Variants in CACNB4 observed in about 807,000 individuals in gnomAD.
The protein encoded by CACNB4 is voltage-dependent L-type calcium channel subunit beta-4.
CACNB4 carries 32 observed loss-of-function variants against 71.2 expected under a neutral mutation model. That is an observed-to-expected ratio of 0.45 (90% CI 0.34 to 0.60). The LOEUF (loss-of-function observed/expected upper bound fraction) is 0.60. Ranked by LOEUF, CACNB4 falls within the 20% of genes least tolerant of loss-of-function variation. The pLI is 0.01. For synonymous variants in CACNB4, 231 were observed against 236.9 expected, an observed-to-expected ratio of 0.97 and a Z score of 0.23; for missense variants, 464 against 647.9, an observed-to-expected ratio of 0.72 and a Z score of 3.08.
chr2:151,932,425 G>A (rs1490932499), intron 2 of CACNB4, among the ~76,000 whole-genome samples: 2 of 152,236 alleles, frequency 1.3e-5, no homozygotes, highest in East Asian at 3.9e-4. Context: ...AGCTTCACCA[G>A]TGGAGCTCGA....
chr2:151,959,827 T>A (rs751045701), intron 2 of CACNB4, among the ~76,000 whole-genome samples: 18 of 152,210 alleles, frequency 1.2e-4, no homozygotes, highest in Non-Finnish European at 2.5e-4. Flanking sequence ...CTTAATAAAG[T>A]CCTGTTATAA....
In CACNB4 at chr2:151,974,502, C is replaced by A. The variant is rs562421706; in HGVS notation, c.148-91132G>T. ...GCAAGAAAAGAGCTCTGTGTCCCAA[C>A]TGGTGAAGTTTGAAAAGGAAGCCAA... On this transcript the variant is annotated intron_variant, in intron 2 of 13. Transcript: ENST00000539935. Among the ~76,000 whole-genome samples, 11 of 152,322 alleles carry A rather than the reference C, an allele frequency of 7.2e-5. No homozygotes were observed. The South Asian group carries it at 2.1e-3, about 29-fold the overall frequency.
intron 2 of CACNB4, among the ~76,000 whole-genome samples, chr2:152,053,411 C>T (rs908209128): frequency 4.6e-5 from 7 of 152,200 alleles, no homozygotes; most frequent in African/African-American, 1.4e-4. Flanking sequence ...GGCATGGAAG[C>T]CCCATGTTCC....
Position 152,098,902 on chromosome 2 carries a change from G to A in CACNB4, c.63+47C>T. 7.6e-7 allele frequency: 1 copy of A among 1,308,538 alleles called. No individual in the cohort carries two copies. Among genetic ancestry groups the A allele is most frequent in the Non-Finnish European group, 1.0e-6 (1 of 966,004 alleles). 81.1% of individuals were successfully genotyped at this position (1,308,538 alleles called of 1,614,324 possible). On this transcript the variant is annotated intron_variant, in intron 1 of 13. Transcript: ENST00000539935. The surrounding 1 kb of genome is among the most constrained non-coding windows in gnomAD (Gnocchi z 5.3). The stretch of plus-strand genomic sequence containing the variant: ...CGCGCTAGGGCGGCGGAGGAGGTGT[G>A]AGGAAGGAAGAGGAGGAAGAGGAGA...
At chr2:151,973,827 C>A (rs2099873254) in intron 2 of CACNB4, 1 of 1,511,306 alleles carries the variant, frequency 6.6e-7, no homozygotes, top group East Asian at 2.5e-5. Flanking sequence ...CCTGCCTTAT[C>A]AATTCCTGTG....
intron 2 of CACNB4, among the ~76,000 whole-genome samples, chr2:151,978,154 T>C (rs539180766): frequency 4.2e-5 from 6 of 144,202 alleles, no homozygotes; most frequent in African/African-American, 1.6e-4. Context: ...AGATTCCACT[T>C]CTATTAGTCC....
At chr2:152,062,013 A>AAATAATAAT (rs10664776) in intron 2 of CACNB4, among the ~76,000 whole-genome samples, 12,749 of 141,070 alleles carry the variant, frequency 0.09, 756 homozygotes, top group Admixed American at 0.19. Context: ...TTCCATCTCA[A>AAATAATAAT]AATAATAATA....
At chr2:152,096,348 A>G (rs1170004203) in intron 2 of CACNB4, among the ~76,000 whole-genome samples, 1 of 152,062 alleles carries the variant, frequency 6.6e-6, no homozygotes, top group Non-Finnish European at 1.5e-5. Context: ...GCCAGGCGTG[A>G]TGGCGGGTGC....
chr2:152,091,418 A>C (rs1687965792), intron 2 of CACNB4, among the ~76,000 whole-genome samples: 1 of 152,130 alleles, frequency 6.6e-6, no homozygotes, highest in Non-Finnish European at 1.5e-5. Flanking sequence ...TGCAGCTAAA[A>C]TATAAAAATG....
chr2:152,078,704 A>AG (rs1251754835), intron 2 of CACNB4, among the ~76,000 whole-genome samples: 1 of 152,302 alleles, frequency 6.6e-6, no homozygotes, highest in African/African-American at 2.4e-5. Flanking sequence ...TAATGACTGT[A>AG]GGGGTCACAC....
chr2:152,053,494 TC>T (rs1685553488), intron 2 of CACNB4, among the ~76,000 whole-genome samples: 1 of 151,754 alleles, frequency 6.6e-6, no homozygotes, highest in Non-Finnish European at 1.5e-5. Flanking sequence ...TGTAAGTGTT[TC>T]CCTGGGTTCT....
At chr2:151,896,415 G>C (rs944163321) in intron 2 of CACNB4, among the ~76,000 whole-genome samples, 1 of 152,194 alleles carries the variant, frequency 6.6e-6, no homozygotes, top group African/African-American at 2.4e-5. Flanking sequence ...CAGGGCTCTA[G>C]GTAAGAGCTA....
At chr2:152,095,467 T>C (rs1207131167) in intron 2 of CACNB4, among the ~76,000 whole-genome samples, 2 of 152,116 alleles carry the variant, frequency 1.3e-5, no homozygotes, top group Non-Finnish European at 2.9e-5. Flanking sequence ...TGAAAGCTTT[T>C]CTCCATATTT....
At chr2:151,971,802 C>T (rs968902422) in intron 2 of CACNB4, 42 of 570,018 alleles carry the variant, frequency 7.4e-5, no homozygotes, top group Non-Finnish European at 1.1e-4. Context: ...GTTTCAATCC[C>T]GCCCACCTGA....
chr2:151,971,736 T>A, intron 2 of CACNB4: 1 of 643,814 alleles, frequency 1.6e-6, no homozygotes, highest in South Asian at 1.8e-5. Flanking sequence ...AAATGAGCAT[T>A]CAGAGTCAGT....
intron 2 of CACNB4, among the ~76,000 whole-genome samples, chr2:151,989,143 G>A (rs548237460): frequency 2.0e-5 from 3 of 152,214 alleles, no homozygotes; most frequent in South Asian, 4.1e-4. Context: ...GCCTCAGTAC[G>A]AATCTGGTTC....
chr2:151,883,387 AAT>A lies in CACNB4; in HGVS notation c.148-19_148-18del. 2 of 1,613,468 alleles carry A rather than the reference AAT, an allele frequency of 1.2e-6. No individual in the cohort carries two copies. The highest frequency in any genetic ancestry group is 1.7e-6 in the Non-Finnish European group (2 of 1,179,508). ...CGCTGAACCCTGGCAAAGAAAATAGAATAGTTTCAGATGATGTGTAGCTTCTT... is the reference window on the plus strand; with the variant it reads ...CGCTGAACCCTGGCAAAGAAAATAGAAGTTTCAGATGATGTGTAGCTTCTT... On this transcript the variant is annotated intron_variant, in intron 2 of 13. Coordinates refer to ENST00000539935, the MANE Select transcript of CACNB4 (RefSeq NM_000726.5).
intron 2 of CACNB4, among the ~76,000 whole-genome samples, chr2:152,005,872 C>A: frequency 6.6e-6 from 1 of 152,170 alleles, no homozygotes; most frequent in South Asian, 2.1e-4. Context: ...AACAATGGAA[C>A]CAAGTACATG....
chr2:151,950,086 C>T (rs958551581), intron 2 of CACNB4, among the ~76,000 whole-genome samples: 4 of 151,694 alleles, frequency 2.6e-5, no homozygotes, highest in African/African-American at 7.3e-5. Context: ...AAATAGTCTT[C>T]TGAGAGGAAA....
Sources: allele counts gnomAD v4.1 joint callset (sites outside exome capture counted in the v4.1 genomes callset), GRCh38; gene constraint gnomAD v4.1.1; non-coding constraint Gnocchi (gnomAD v3.1); transcripts MANE v1.5; gene names NCBI Gene and HGNC (gene_info 2026-07-23, HGNC 2026-07-21).